The following HSD17B7 variants were observed in gnomAD, a reference collection of about 807,000 sequenced individuals.
HSD17B7 encodes the protein 3-keto-steroid reductase/17-beta-hydroxysteroid dehydrogenase 7.
Under a neutral mutation model 34.1 loss-of-function variants are expected in HSD17B7, and 17 were observed. The observed-to-expected ratio is 0.50, with a 90% CI of 0.34 to 0.75. HSD17B7 has a LOEUF of 0.75. HSD17B7 is among the 30% of genes least tolerant of loss of function. The pLI is 0.01. For missense variants in HSD17B7, 296 were observed against 406.6 expected (o/e 0.73, Z 2.34); for synonymous variants, 122 against 154.6 (o/e 0.79, Z 1.56).
At chr1:162,810,792 A>G (rs1234010368) in intron 8 of HSD17B7, among the ~76,000 whole-genome samples, 1 of 151,496 alleles carries the variant, frequency 6.6e-6, no homozygotes, top group Non-Finnish European at 1.5e-5. Context: ...TTTGTTTTCC[A>G]TTTGCTTGGT....
At chr1:162,803,155 G>T (rs2257594) in intron 5 of HSD17B7, 20 of 208,904 alleles carry the variant, frequency 9.6e-5, no homozygotes, top group Middle Eastern at 2.0e-3. Flanking sequence ...CTCCCCCAGC[G>T]TTAAGATTGG....
At chr1:162,794,697 G>A (rs1454125630) in intron 2 of HSD17B7, among the ~76,000 whole-genome samples, 2 of 151,766 alleles carry the variant, frequency 1.3e-5, no homozygotes, top group African/African-American at 4.8e-5. Flanking sequence ...CTTCTTACCT[G>A]CTTTGTTTAG....
chr1:162,798,566 A>G (rs1001834129), intron 4 of HSD17B7: 1 of 153,416 alleles, frequency 6.5e-6, no homozygotes. Flanking sequence ...TCATGACATC[A>G]TATCAAGGGT....
intron 8 of HSD17B7, among the ~76,000 whole-genome samples, chr1:162,807,022 G>A (rs950919783): frequency 4.6e-5 from 7 of 152,062 alleles, no homozygotes; most frequent in Middle Eastern, 6.8e-3. Flanking sequence ...TGTGCACAAC[G>A]TGCAGGTTTG....
chr1:162,804,176 A>G, intron 6 of HSD17B7, 91 bp from the exon 7 acceptor site: 1 of 831,208 alleles, frequency 1.2e-6, no homozygotes, highest in Non-Finnish European at 1.9e-6. Flanking sequence ...ATAATCAGAA[A>G]GGCAGGGTTT....
intron 5 of HSD17B7, among the ~76,000 whole-genome samples, chr1:162,802,162 A>G (rs1233666291): frequency 6.6e-6 from 1 of 152,230 alleles, no homozygotes; most frequent in Non-Finnish European, 1.5e-5. Flanking sequence ...CAGGATCATC[A>G]CAATTTAATC....
At chr1:162,804,234 A>G (rs759505539) in intron 6 of HSD17B7, 33 bp from the exon 7 acceptor site, 2 of 1,569,988 alleles carry the variant, frequency 1.3e-6, no homozygotes, top group South Asian at 2.3e-5. Context: ...ATTCTAAACC[A>G]CCAAAAAATA....
At chr1:162,797,945 A>G (rs368915405) in intron 4 of HSD17B7, 29 bp downstream of exon 4, 34 of 1,610,906 alleles carry the variant, frequency 2.1e-5, no homozygotes, top group Non-Finnish European at 2.6e-5. Flanking sequence ...TAATAAGCTA[A>G]TATTTCGTGT....
In HSD17B7 at chr1:162,803,497, C is replaced by T; in HGVS notation, c.709C>T (p.Pro237Ser). Residue 237 changes from proline (P) to serine (S), a missense_variant, in exon 6 of 9, where the codon CCG becomes TCG. Pro to Ser is a moderately conservative substitution (Grantham distance 74). Coordinates refer to ENST00000254521, the MANE Select transcript of HSD17B7 (RefSeq NM_016371.4). ...CAATTTGACATATGGAATTCTGCCT[C>T]CGTTTATATGGACGCTGTTGATGCC... The part of the protein sequence containing the change: ...LTNLTYGILP[P>S]FIWTLLMPAI... 1 of 1,613,068 alleles carries T rather than the reference C, an allele frequency of 6.2e-7. No individual in the cohort carries two copies. The highest frequency in any genetic ancestry group is 8.5e-7 in the Non-Finnish European group (1 of 1,179,242).
rs1648463014 is a variant in HSD17B7, at chr1:162,792,879, T to C, written c.239+17T>C. On this transcript the variant is annotated intron_variant, in intron 2 of 8. Coordinates refer to ENST00000254521, the MANE Select transcript of HSD17B7 (RefSeq NM_016371.4). ...TAAGCAAAGGTATATCTCTTGCTGA[T>C]GGATTTTTTTTCTCATGTGATTGTG... 1 of 1,611,544 alleles carries C rather than the reference T, an allele frequency of 6.2e-7. No homozygotes were observed. Among genetic ancestry groups the C allele is most frequent in the African/African-American group, 1.3e-5 (1 of 74,848 alleles).
intron 7 of HSD17B7, among the ~76,000 whole-genome samples, chr1:162,804,864 ACT>A (rs1187430740): frequency 6.6e-6 from 1 of 152,016 alleles, no homozygotes; most frequent in Non-Finnish European, 1.5e-5. Context: ...GGGCTATAAT[ACT>A]CCTTTCTGCT....
chr1:162,793,031 C>CTTTTTTTT (rs201857530), intron 2 of HSD17B7, 169 bp downstream of exon 2: 36 of 352,984 alleles, frequency 1.0e-4, no homozygotes, highest in Middle Eastern at 9.0e-4. Context: ...CGTTTTCTTT[C>CTTTTTTTT]TTTTTTTTTT....
intron 7 of HSD17B7, 37 bp downstream of exon 7, chr1:162,804,360 T>A (rs756597045): frequency 7.9e-7 from 1 of 1,264,584 alleles, no homozygotes; most frequent in South Asian, 1.3e-5. Context: ...GTATGATGAC[T>A]TAGCAGATGT....
intron 8 of HSD17B7, among the ~76,000 whole-genome samples, chr1:162,811,916 CT>C (rs1406662870): frequency 7.9e-5 from 12 of 152,328 alleles, no homozygotes; most frequent in Non-Finnish European, 1.2e-4. Context: ...AACCAGGGCT[CT>C]TTTACTAAGC....
At position 162,792,862 on chromosome 1, in the gene HSD17B7, G is replaced by C. The variant is rs1319620430; in HGVS notation, c.239G>C (p.Arg80Thr). 6.2e-7 allele frequency: 1 copy of C among 1,613,672 alleles called. No homozygotes were observed. The highest frequency in any genetic ancestry group is 8.5e-7 in the Non-Finnish European group (1 of 1,179,766). The stretch of plus-strand genomic sequence containing the variant: ...CGGGCCTCCAAGGAACTTAAGCAAA[G>C]GTATATCTCTTGCTGATGGATTTTT... ...VFRASKELKQRFQRLDCIYLN... is the reference protein window; with the variant it reads ...VFRASKELKQTFQRLDCIYLN... The change falls in exon 2 of 9, where the codon AGG (arginine) becomes ACG (threonine). Residue 80 changes from arginine to threonine, a missense_variant and splice_region_variant. Physicochemically the swap from Arg to Thr is moderately conservative, Grantham distance 71. Transcript: ENST00000254521.
At chr1:162,792,917 T>G in intron 2 of HSD17B7, 55 bp downstream of exon 2, 1 of 1,548,350 alleles carries the variant, frequency 6.5e-7, no homozygotes. Context: ...GCATAACACT[T>G]AATAAAATAA....
rs370458227 is a variant in HSD17B7 at position 162,792,725 on chromosome 1, G to A, written c.102G>A (p.Ala34=). Residue 34 remains alanine (A), a synonymous_variant, in exon 2 of 9, where the codon GCG becomes GCA. Transcript: ENST00000254521. ...AEDDELHLCL[A]CRNMSKAEAV... ...ATGATGAGCTTCATCTGTGTTTGGC[G>A]TGCAGGAACATGAGCAAGGCAGAAG... 6.2e-6 allele frequency: 10 copies of A among 1,613,992 alleles called. No individual in the cohort carries two copies. Among genetic ancestry groups the A allele is most frequent in the South Asian group, 4.4e-5 (4 of 91,066 alleles).
chr1:162,803,523 G>A lies in HSD17B7; in HGVS notation c.735G>A (p.Pro245=), dbSNP rs753284660. Residue 245 remains proline, a synonymous_variant, in exon 6 of 9, where the codon CCG becomes CCA. Coordinates refer to ENST00000254521, the MANE Select transcript of HSD17B7 (RefSeq NM_016371.4). The part of the protein sequence containing the change: ...LPPFIWTLLM[P]AILLLRFFAN... ...CGTTTATATGGACGCTGTTGATGCC[G>A]GCAATATTGCTAGTAAGTGATGAAT... 1.7e-5 allele frequency: 27 copies of A among 1,612,134 alleles called. No individual in the cohort carries two copies. The highest frequency in any genetic ancestry group is 1.1e-4 in the African/African-American group (8 of 74,778).
chr1:162,794,774 G>T (rs4084040), intron 2 of HSD17B7, among the ~76,000 whole-genome samples: 2 of 151,814 alleles, frequency 1.3e-5, no homozygotes, highest in African/African-American at 4.8e-5. Context: ...ATCCCATTCC[G>T]ATGCAGTTTA....
Sources: gnomAD v4.1 joint callset for allele counts (sites outside exome capture counted in the v4.1 genomes callset) on GRCh38, gnomAD v4.1.1 for gene constraint, MANE v1.5 for transcripts, NCBI Gene and HGNC (gene_info 2026-07-23, HGNC 2026-07-21) for gene names.